The following SP110 variants were observed in gnomAD, a reference collection of about 807,000 sequenced individuals.
SP110 encodes the protein interferon-induced protein 41, 30kD.
SP110 carries 62 observed loss-of-function variants against 92.7 expected under a neutral mutation model. The observed-to-expected ratio is 0.67, with a 90% CI of 0.55 to 0.83. The LOEUF is 0.83. Ranked by LOEUF, SP110 falls within the 40% of genes least tolerant of loss-of-function variation. The pLI is 0.00. For synonymous variants in SP110, 273 were observed against 305.3 expected (o/e 0.89, Z 1.10); for missense variants, 793 against 863.9 (o/e 0.92, Z 1.03).
intron 3 of SP110, among the ~76,000 whole-genome samples, chr2:230,214,565 TA>T (rs1358881336): frequency 6.6e-6 from 1 of 152,250 alleles, no homozygotes; most frequent in African/African-American, 2.4e-5. Flanking sequence ...CAAAAAAAGA[TA>T]CTTATTATTA....
intron 17 of SP110, chr2:230,171,338 C>T (rs1287980441): frequency 1.2e-5 from 4 of 336,668 alleles, no homozygotes; most frequent in South Asian, 5.3e-5. Flanking sequence ...GTGATCTGCC[C>T]GCCTTGGCCT....
chr2:230,197,571 T>G (rs3926408), intron 10 of SP110, among the ~76,000 whole-genome samples: 107,615 of 142,048 alleles, frequency 0.76, 40,675 homozygotes, highest in Admixed American at 0.82. Context: ...GTCAATTTTG[T>G]CTTTTGTTGC....
intron 12 of SP110, among the ~76,000 whole-genome samples, chr2:230,180,196 G>T (rs921295121): frequency 6.6e-6 from 1 of 152,344 alleles, no homozygotes; most frequent in East Asian, 1.9e-4. Flanking sequence ...AGAGAACAGA[G>T]AGCTCAGGGA....
chr2:230,172,258 G>T, intron 15 of SP110, 84 bp from the exon 16 acceptor site: 1 of 889,808 alleles, frequency 1.1e-6, no homozygotes, highest in Non-Finnish European at 1.9e-6. Context: ...TCTTCCCTCA[G>T]GAAGGATGGG....
At chr2:230,173,044 T>G (rs2078491081) in intron 14 of SP110, 85 bp from the exon 15 acceptor site, 9 of 920,732 alleles carry the variant, frequency 9.8e-6, no homozygotes, top group East Asian at 5.1e-5. Context: ...CACATCATTT[T>G]TGTGTGTGCC....
In SP110 at chr2:230,183,605, T is replaced by C. The variant is rs145154247; in HGVS notation, c.1315A>G (p.Lys439Glu). 4.2e-5 allele frequency: 68 copies of C among 1,607,862 alleles called. No homozygotes were observed. In the African/African-American group the frequency reaches 8.6e-4, roughly 20 times the overall value. Reference sequence around the variant, plus strand: ...TGAATATTTTTCTGAAATCTCCTTTTTGAGCTTGAACAGATATCTTTCTCC... The same window carrying C: ...TGAATATTTTTCTGAAATCTCCTTTCTGAGCTTGAACAGATATCTTTCTCC... ...KKEKDICSSS[K>E]RRFQKNIHRR... is the part of the protein sequence containing the mutation. The change falls in exon 12 of 19, where the codon AAA becomes GAA. Residue 439 changes from lysine (K) to glutamate (E), a missense_variant. By Grantham distance (56) the Lys-to-Glu change is moderately conservative. Transcript: ENST00000258381.
intron 1 of SP110, among the ~76,000 whole-genome samples, chr2:230,219,122 G>T (rs1469260501): frequency 1.3e-5 from 2 of 152,180 alleles, no homozygotes; most frequent in African/African-American, 4.8e-5. Flanking sequence ...TTACTCAGGA[G>T]GCTGAGGCAG....
Position 230,177,622 on chromosome 2 carries a change from A to C in SP110, c.1506T>G (p.Phe502Leu), listed in dbSNP as rs1560529486. 1.2e-6 allele frequency: 2 copies of C among 1,614,180 alleles called. No homozygotes were observed. Among genetic ancestry groups the C allele is most frequent in the Non-Finnish European group, 1.7e-6 (2 of 1,179,974 alleles). Residue 502 changes from phenylalanine (F) to leucine (L), a missense_variant, in exon 14 of 19, where the codon TTT (phenylalanine) becomes TTG (leucine). Physicochemically the swap from Phe to Leu is conservative, Grantham distance 22 (BLOSUM62 0). Transcript: ENST00000258381. ...EDGTWLTPNE[F>L]EVEGKGRNAK... ...CGTTCCTTCCTTTTCCTTCGACTTC[A>C]AATTCATTTGGTGTTAACCAAGTTC...
At chr2:230,220,204 A>C (rs910432658), upstream of SP110, 2 of 358,218 alleles carry the variant, frequency 5.6e-6, no homozygotes, top group Non-Finnish European at 7.8e-6. Context: ...TGGGAGGAGG[A>C]GGCATAAGGG....
chr2:230,215,520 G>A (rs1416649328), intron 2 of SP110, among the ~76,000 whole-genome samples: 2 of 152,198 alleles, frequency 1.3e-5, no homozygotes. Context: ...AATTCTGCTG[G>A]TTGCTTGTGA....
rs567990046 is a variant in SP110, at chr2:230,211,277, C to G, written c.751+193G>C. ...CAGACTTGCCTCCTTTGCCCTCCCC[C>G]AGGGACTCTGTATCCATTCAGAGGT... On this transcript the variant is annotated intron_variant, in intron 6 of 18. Coordinates refer to ENST00000258381, the MANE Select transcript of SP110 (RefSeq NM_080424.4). This position sits in a 1 kb window ranked among gnomAD's most constrained non-coding sequence, Gnocchi z 4.2. Among the ~76,000 whole-genome samples, 109 of 152,304 alleles carry G rather than the reference C, an allele frequency of 7.2e-4. No individual in the cohort carries two copies. Among genetic ancestry groups the G allele is most frequent in the Non-Finnish European group, 1.4e-3 (98 of 68,028 alleles).
At position 230,177,750 on chromosome 2, in the gene SP110, A is replaced by G. The variant is rs1283166549; in HGVS notation, c.1448-70T>C. 5 of 1,539,044 alleles carry G rather than the reference A, an allele frequency of 3.2e-6. No individual in the cohort carries two copies. The East Asian group carries it at 1.1e-4, about 35-fold the overall frequency. ...AATTCACCCTGAACCTCTTCATCCT[A>G]ATTGTGGCCTTCTACCTTTCCAGGT... is the stretch of plus-strand genomic sequence containing the variant. On this transcript the variant is annotated intron_variant, in intron 13 of 18. Transcript: ENST00000258381.
At chr2:230,178,999 G>C (rs1167250499) in intron 12 of SP110, among the ~76,000 whole-genome samples, 40 of 152,150 alleles carry the variant, frequency 2.6e-4, no homozygotes. Context: ...AAATGAAGGG[G>C]CTGTCCATGT....
intron 14 of SP110, chr2:230,177,298 A>G (rs951353536): frequency 1.2e-4 from 64 of 546,320 alleles, no homozygotes; most frequent in Non-Finnish European, 6.2e-5. Context: ...CTTCACCTCA[A>G]AGCCCTTTGC....
rs748580420 is a variant in SP110 at position 230,211,449 on chromosome 2, G to A, written c.751+21C>T. 15 of 1,482,864 alleles carry A rather than the reference G, an allele frequency of 1.0e-5. No homozygotes were observed. The South Asian group carries it at 1.0e-4, about 10-fold the overall frequency. The allele number at this position is 1,482,864 out of a possible 1,614,324, so 91.9% of individuals were successfully genotyped here. The stretch of plus-strand genomic sequence containing the variant: ...ACACAGAAACAAAGGCAAGCTTTTA[G>A]GTTGACCAAACCAAGATTACCTGGC... On this transcript the variant is annotated intron_variant, in intron 6 of 18. Transcript: ENST00000258381. The surrounding 1 kb of genome is among the most constrained non-coding windows in gnomAD (Gnocchi z 4.2).
chr2:230,211,355 C>A lies in SP110; in HGVS notation c.751+115G>T. On this transcript the variant is annotated intron_variant, in intron 6 of 18. Transcript: ENST00000258381. The surrounding 1 kb of genome is among the most constrained non-coding windows in gnomAD (Gnocchi z 4.2). Reference sequence around the variant, plus strand: ...AGTGCTGGGTGAACTGGAAGCTGGGCCAAGATTGCTGAGAGGCAGGAGGAG... The same window carrying A: ...AGTGCTGGGTGAACTGGAAGCTGGGACAAGATTGCTGAGAGGCAGGAGGAG... The A allele has an allele frequency of 1.3e-6, 1 of 768,198 alleles. No homozygotes were observed. Among genetic ancestry groups the A allele is most frequent in the Admixed American group, 1.9e-5 (1 of 53,648 alleles). The allele number at this position is 768,198 out of a possible 1,614,324, so 47.6% of individuals were successfully genotyped here.
Position 230,196,349 on chromosome 2 carries a change from C to T in SP110, c.1129+4536G>A, listed in dbSNP as rs182557862. Among the ~76,000 whole-genome samples the T allele has an allele frequency of 2.0e-4, 31 of 151,840 alleles. 1 individual carries two copies. In the East Asian group the frequency reaches 5.6e-3, roughly 27 times the overall value. On this transcript the variant is annotated intron_variant, in intron 10 of 18. Transcript: ENST00000258381. Reference sequence around the variant, plus strand: ...ACAAATTGCGGTGAATCATACGTAACGTGCCATGCAGTTAAAAAAATAGAT... The same window carrying T: ...ACAAATTGCGGTGAATCATACGTAATGTGCCATGCAGTTAAAAAAATAGAT...
chr2:230,173,041 T>G, intron 14 of SP110, 82 bp from the exon 15 acceptor site: 1 of 929,186 alleles, frequency 1.1e-6, no homozygotes, highest in Non-Finnish European at 1.7e-6. Context: ...GAACACATCA[T>G]TTTTGTGTGT....
chr2:230,177,781 G>C (rs964943337), intron 13 of SP110, 101 bp from the exon 14 acceptor site: 2 of 1,326,010 alleles, frequency 1.5e-6, no homozygotes, highest in Admixed American at 3.4e-5. Context: ...CAGGTCAAGA[G>C]AGACTTCCTC....
Sources: gnomAD v4.1 joint callset for allele counts (sites outside exome capture counted in the v4.1 genomes callset) on GRCh38, gnomAD v4.1.1 for gene constraint, Gnocchi (gnomAD v3.1) non-coding constraint, MANE v1.5 for transcripts, NCBI Gene and HGNC (gene_info 2026-07-23, HGNC 2026-07-21) for gene names.